SLC24A3: variants seen among roughly 807,000 people sequenced by gnomAD.
SLC24A3 encodes solute carrier family 24 member 3, also known as sodium/potassium/calcium exchanger 3.
SLC24A3 carries 28 observed loss-of-function variants against 75.8 expected under a neutral mutation model. That is an observed-to-expected ratio of 0.37 (90% CI 0.27 to 0.51). The LOEUF (loss-of-function observed/expected upper bound fraction) is 0.51. Among genes scored for constraint, SLC24A3 ranks in the 20% least tolerant of loss-of-function variants. SLC24A3 has a pLI of 0.94. For missense variants in SLC24A3, 663 were observed against 847.8 expected (o/e 0.78, Z 2.71); for synonymous variants, 372 against 334.1 (o/e 1.11, Z -1.24).
chr20:19,640,394 T>C (rs370535473), intron 6 of SLC24A3, among the ~76,000 whole-genome samples: 1 of 152,180 alleles, frequency 6.6e-6, no homozygotes, highest in Non-Finnish European at 1.5e-5. Flanking sequence ...GGCCAGAGAT[T>C]TTTTTACTTT....
chr20:19,609,589 C>T (rs1000772929), intron 6 of SLC24A3, among the ~76,000 whole-genome samples: 1 of 152,004 alleles, frequency 6.6e-6, no homozygotes, highest in African/African-American at 2.4e-5. Flanking sequence ...CCAACAGGCC[C>T]CGGTGTGTGT....
chr20:19,429,167 A>G (rs1430244739), intron 2 of SLC24A3, among the ~76,000 whole-genome samples: 3 of 152,256 alleles, frequency 2.0e-5, no homozygotes, highest in Non-Finnish European at 2.9e-5. Flanking sequence ...AACAAAACAA[A>G]AGCAAGCAAC....
chr20:19,485,286 T>C (rs1600248817), intron 2 of SLC24A3, among the ~76,000 whole-genome samples: 1 of 152,166 alleles, frequency 6.6e-6, no homozygotes, highest in Non-Finnish European at 1.5e-5. Flanking sequence ...GGGCCCTGGG[T>C]AAGGGAGTCA....
At chr20:19,612,872 G>T (rs774892029) in intron 6 of SLC24A3, among the ~76,000 whole-genome samples, 61 of 152,220 alleles carry the variant, frequency 4.0e-4, no homozygotes, top group Admixed American at 1.3e-3. Context: ...CCTCCACCAG[G>T]GTCCCATTGT....
At chr20:19,665,718 T>C in intron 7 of SLC24A3, 146 bp from the exon 8 acceptor site, 1 of 1,080,724 alleles carries the variant, frequency 9.3e-7, no homozygotes, top group Non-Finnish European at 1.3e-6. Flanking sequence ...CCACAGGGAC[T>C]CCAGGTCCCA....
At chr20:19,322,278 G>C (rs939543862) in intron 2 of SLC24A3, among the ~76,000 whole-genome samples, 2 of 151,724 alleles carry the variant, frequency 1.3e-5, no homozygotes, top group East Asian at 3.9e-4. Context: ...TTTCTTCTAC[G>C]TTAGCTGGTA....
chr20:19,321,155 A>G (rs192854835), intron 2 of SLC24A3, among the ~76,000 whole-genome samples: 6 of 152,302 alleles, frequency 3.9e-5, no homozygotes, highest in Admixed American at 3.9e-4. Flanking sequence ...AGTAAGCTGC[A>G]GAAAGACATC....
At chr20:19,257,839 T>G (rs897697897) in intron 1 of SLC24A3, 1 of 152,238 alleles carries the variant, frequency 6.6e-6, no homozygotes, top group African/African-American at 2.4e-5. Flanking sequence ...ATTTTTATAT[T>G]TTTAGAGATA....
chr20:19,662,921 A>G (rs2032346762), intron 7 of SLC24A3, among the ~76,000 whole-genome samples: 1 of 152,202 alleles, frequency 6.6e-6, no homozygotes, highest in Non-Finnish European at 1.5e-5. Context: ...CTCCCGATGG[A>G]ACGTTCTGCA....
intron 4 of SLC24A3, among the ~76,000 whole-genome samples, chr20:19,583,878 G>C (rs905932443): frequency 6.6e-6 from 1 of 151,094 alleles, no homozygotes; most frequent in African/African-American, 2.4e-5. Flanking sequence ...CTGTCCAGCC[G>C]ACAGCGAAGC....
chr20:19,410,053 G>C (rs750679569), intron 2 of SLC24A3, among the ~76,000 whole-genome samples: 6 of 151,986 alleles, frequency 3.9e-5, no homozygotes, highest in African/African-American at 7.2e-5. Flanking sequence ...TTGAATGCCA[G>C]AATTCAGACG....
At chr20:19,591,900 A>C (rs896008143) in intron 6 of SLC24A3, among the ~76,000 whole-genome samples, 1 of 152,190 alleles carries the variant, frequency 6.6e-6, no homozygotes, top group Non-Finnish European at 1.5e-5. Context: ...GGTGGAACAC[A>C]AGGGAAAAAC....
At chr20:19,567,713 A>T (rs6136778) in intron 3 of SLC24A3, among the ~76,000 whole-genome samples, 101,757 of 152,152 alleles carry the variant, frequency 0.67, 35,646 homozygotes, top group Non-Finnish European at 0.76. Context: ...CTCAGTCACC[A>T]TCTCTTGGCA....
At chr20:19,531,508 A>G (rs887450139) in intron 3 of SLC24A3, among the ~76,000 whole-genome samples, 1 of 152,230 alleles carries the variant, frequency 6.6e-6, no homozygotes. Context: ...TACTCTCTAG[A>G]GTGTGGATTA....
At chr20:19,587,569 A>T (rs1461316435) in intron 6 of SLC24A3, among the ~76,000 whole-genome samples, 1 of 152,194 alleles carries the variant, frequency 6.6e-6, no homozygotes, top group Non-Finnish European at 1.5e-5. Flanking sequence ...CATGTGCCAA[A>T]CTGGAGATTT....
chr20:19,339,544 A>C (rs1234206008), intron 2 of SLC24A3, among the ~76,000 whole-genome samples: 2 of 152,244 alleles, frequency 1.3e-5, no homozygotes, highest in African/African-American at 4.8e-5. Flanking sequence ...ACAGTGCTAG[A>C]AGAAACAGAA....
At chr20:19,586,205 C>T (rs748271698) in intron 6 of SLC24A3, among the ~76,000 whole-genome samples, 3 of 152,058 alleles carry the variant, frequency 2.0e-5, no homozygotes, top group East Asian at 1.9e-4. Flanking sequence ...AGGCTCTGGG[C>T]GACAAGCCTA....
intron 1 of SLC24A3, among the ~76,000 whole-genome samples, chr20:19,265,522 A>AT (rs1212091629): frequency 2.6e-5 from 4 of 152,102 alleles, no homozygotes; most frequent in Non-Finnish European, 5.9e-5. Flanking sequence ...ATGGGATGGG[A>AT]TTTTTTTAAA....
intron 2 of SLC24A3, among the ~76,000 whole-genome samples, chr20:19,358,372 A>G (rs1985728131): frequency 2.6e-5 from 4 of 152,130 alleles, no homozygotes; most frequent in Admixed American, 2.6e-4. Context: ...GACCTCCACT[A>G]TGGAAACTTT....
Sources: allele counts gnomAD v4.1 joint callset (sites outside exome capture counted in the v4.1 genomes callset), GRCh38; gene constraint gnomAD v4.1.1; transcripts MANE v1.5; gene names NCBI Gene and HGNC (gene_info 2026-07-23, HGNC 2026-07-21).